ADAMTS2: variants seen among roughly 807,000 people sequenced by gnomAD.
ADAMTS2 encodes ADAM metallopeptidase with thrombospondin type 1 motif 2, also known as A disintegrin and metalloproteinase with thrombospondin motifs 2.
A neutral mutation model predicts 123.0 loss-of-function variants in ADAMTS2; 50 were observed. That is an observed-to-expected ratio of 0.41 (90% CI 0.32 to 0.51). The LOEUF (loss-of-function observed/expected upper bound fraction) is 0.51. Among genes scored for constraint, ADAMTS2 ranks in the 20% least tolerant of loss-of-function variants. ADAMTS2 has a pLI of 0.35. For missense variants in ADAMTS2, 1,494 were observed against 1,705.2 expected, an observed-to-expected ratio of 0.88 and a Z score of 2.18; for synonymous variants, 678 against 695.4, an observed-to-expected ratio of 0.98 and a Z score of 0.39.
chr5:179,333,144 C>A (rs1184954837), intron 2 of ADAMTS2, among the ~76,000 whole-genome samples: 1 of 152,222 alleles, frequency 6.6e-6, no homozygotes, highest in African/African-American at 2.4e-5. Context: ...TTCCCGCATC[C>A]CAAGCCGGGC....
At chr5:179,271,915 G>A (rs986034928) in intron 3 of ADAMTS2, among the ~76,000 whole-genome samples, 2 of 152,212 alleles carry the variant, frequency 1.3e-5, no homozygotes, top group Admixed American at 6.5e-5. Flanking sequence ...ACGGGGGCTG[G>A]CCCAGCCCAG....
In ADAMTS2 at chr5:179,344,110, G is replaced by C; in HGVS notation, c.191C>G (p.Thr64Ser). The C allele has an allele frequency of 6.2e-7, 1 of 1,608,542 alleles. No individual in the cohort carries two copies. Among genetic ancestry groups the C allele is most frequent in the Non-Finnish European group, 8.5e-7 (1 of 1,177,660 alleles). The change falls in exon 2 of 22, where the codon ACT (threonine) becomes AGT (serine). Residue 64 changes from threonine (T) to serine (S), a missense_variant. Around this residue, in one of 6 missense-constraint regions of ADAMTS2, gnomAD observed 237 missense variants for 233.7 expected, o/e 1.01. Transcript: ENST00000251582. ...AERILAVPVR[T>S]DAQGRLVSHV... The stretch of plus-strand genomic sequence containing the variant: ...GGACACCAAGCGGCCCTGGGCGTCA[G>C]TGCGCACGGGCACCGCCAGGATGCG...
intron 10 of ADAMTS2, among the ~76,000 whole-genome samples, chr5:179,150,129 C>CCTGCCCCTGG (rs1277011776): frequency 1.3e-5 from 2 of 149,154 alleles, no homozygotes; most frequent in African/African-American, 2.6e-5. Flanking sequence ...CCAGCTCCTG[C>CCTGCCCCTGG]TCCTGCTCCT....
At chr5:179,252,274 T>C (rs1316314159) in intron 3 of ADAMTS2, among the ~76,000 whole-genome samples, 1 of 152,178 alleles carries the variant, frequency 6.6e-6, no homozygotes, top group Admixed American at 6.5e-5. Context: ...ACTCCCAAAA[T>C]GCTGGGATTA....
intron 13 of ADAMTS2, among the ~76,000 whole-genome samples, chr5:179,135,130 T>TCCCAGCTCCCGGCTCCAGCC (rs1561772105): frequency 2.5e-4 from 4 of 15,734 alleles, no homozygotes; most frequent in African/African-American, 5.8e-4. Flanking sequence ...CGGCTCCAGC[T>TCCCAGCTCCCGGCTCCAGCC]CCCAGCTCCC....
intron 4 of ADAMTS2, among the ~76,000 whole-genome samples, chr5:179,195,493 C>CA (rs1051943425): frequency 9.9e-5 from 15 of 152,144 alleles, no homozygotes; most frequent in African/African-American, 2.4e-4. Context: ...TTAGATTTCC[C>CA]AAAAAAAGTA....
At chr5:179,250,143 C>T (rs1765885023) in intron 3 of ADAMTS2, among the ~76,000 whole-genome samples, 1 of 152,152 alleles carries the variant, frequency 6.6e-6, no homozygotes. Context: ...ACCCAACACC[C>T]TTTGTGATCA....
intron 2 of ADAMTS2, among the ~76,000 whole-genome samples, chr5:179,324,849 G>T (rs189246493): frequency 2.0e-5 from 3 of 152,220 alleles, no homozygotes; most frequent in Non-Finnish European, 4.4e-5. Context: ...AGGAAGGTTT[G>T]CTGGAAGAGG....
At chr5:179,161,942 TA>T (rs2113272154) in intron 5 of ADAMTS2, among the ~76,000 whole-genome samples, 1 of 152,312 alleles carries the variant, frequency 6.6e-6, no homozygotes, top group East Asian at 1.9e-4. Context: ...AGGTCACTAA[TA>T]AGCGCTTTTG....
rs530216003 is a variant in ADAMTS2, at chr5:179,256,859, C to T, written c.688+16052G>A. On this transcript the variant is annotated intron_variant, in intron 3 of 21. Coordinates refer to ENST00000251582, the MANE Select transcript of ADAMTS2 (RefSeq NM_014244.5). The surrounding 1 kb of genome is among the most constrained non-coding windows in gnomAD (Gnocchi z 4.1). ...GTTGTACGAGTCAAATAAAACATTG[C>T]GGGGTGGGGCGGCGAGGCCGCCCAA... Among the ~76,000 whole-genome samples, 5 of 152,342 alleles carry T rather than the reference C, an allele frequency of 3.3e-5. No homozygotes were observed. Among genetic ancestry groups the T allele is most frequent in the African/African-American group, 7.2e-5 (3 of 41,590 alleles).
At chr5:179,217,285 C>A (rs1024025995) in intron 3 of ADAMTS2, among the ~76,000 whole-genome samples, 1 of 152,122 alleles carries the variant, frequency 6.6e-6, no homozygotes, top group Non-Finnish European at 1.5e-5. Flanking sequence ...CAATTCAGAG[C>A]GACTTACATA....
chr5:179,124,416 C>T (rs1009192227), intron 19 of ADAMTS2, among the ~76,000 whole-genome samples: 1 of 152,162 alleles, frequency 6.6e-6, no homozygotes, highest in African/African-American at 2.4e-5. Flanking sequence ...TCCCCTCCTG[C>T]GAGTTTGTCC....
chr5:179,344,586 G>T (rs1292566363), intron 1 of ADAMTS2, among the ~76,000 whole-genome samples: 1 of 152,210 alleles, frequency 6.6e-6, no homozygotes, highest in Non-Finnish European at 1.5e-5. Context: ...ACGACCCCTC[G>T]GCGGGCCCCT....
intron 3 of ADAMTS2, among the ~76,000 whole-genome samples, chr5:179,208,742 C>T (rs991861118): frequency 6.6e-6 from 1 of 152,146 alleles, no homozygotes; most frequent in African/African-American, 2.4e-5. Flanking sequence ...CCCCCAAGCC[C>T]CAGTGTCCTG....
rs1762694397 is a variant in ADAMTS2, at chr5:179,118,077, A to G, written c.3178+3584T>C. On this transcript the variant is annotated intron_variant, in intron 21 of 21. Coordinates refer to ENST00000251582, the MANE Select transcript of ADAMTS2 (RefSeq NM_014244.5). The surrounding 1 kb of genome is among the most constrained non-coding windows in gnomAD (Gnocchi z 4.5). ...GGTCCCCCTTCCACCTGGTCTACAT[A>G]CTGGACTTCTATGTCTGATTTTCTC... Among the ~76,000 whole-genome samples, 1 of 152,120 alleles carries G rather than the reference A, an allele frequency of 6.6e-6. No homozygotes were observed. The highest frequency in any genetic ancestry group is 2.1e-4 in the South Asian group (1 of 4,824).
Position 179,207,475 on chromosome 5 carries a change from T to TGCCCCCCCC in ADAMTS2, c.891+37_891+38insGGGGGGGGC. ...GGCCTGCCCAGCCCCTGGTTGACCCTCCCCGCCCCACCCTGCCCCCTCAGC... is the reference window on the plus strand; with the variant it reads ...GGCCTGCCCAGCCCCTGGTTGACCCTGCCCCCCCCCCCCGCCCCACCCTGCCCCCTCAGC... On this transcript the variant is annotated intron_variant, in intron 4 of 21. Transcript: ENST00000251582. 6.5e-4 allele frequency: 381 copies of TGCCCCCCCC among 588,492 alleles called. 6 individuals carry two copies. Among genetic ancestry groups the TGCCCCCCCC allele is most frequent in the East Asian group, 1.1e-3 (28 of 26,512 alleles). The allele number at this position is 588,492 out of a possible 1,614,324, so 36.5% of individuals were successfully genotyped here.
intron 3 of ADAMTS2, among the ~76,000 whole-genome samples, chr5:179,210,123 G>T (rs337806): frequency 0.77 from 117,373 of 152,190 alleles, 45,540 homozygotes; most frequent in South Asian, 0.88. Context: ...GGGGTAGCCC[G>T]GGTCTGTGAA....
Position 179,185,374 on chromosome 5 carries a change from G to A in ADAMTS2, c.892-4219C>T, listed in dbSNP as rs1764145391. On this transcript the variant is annotated intron_variant, in intron 4 of 21. Coordinates refer to ENST00000251582, the MANE Select transcript of ADAMTS2 (RefSeq NM_014244.5). This position sits in a 1 kb window ranked among gnomAD's most constrained non-coding sequence, Gnocchi z 5.9. ...AGGGGTCATCTGCCCCGCCTGAGCA[G>A]GGAGAGGCTGGGGCTCTGGAAGGGC... Among the ~76,000 whole-genome samples, 1 of 152,172 alleles carries A rather than the reference G, an allele frequency of 6.6e-6. No homozygotes were observed. Among genetic ancestry groups the A allele is most frequent in the Non-Finnish European group, 1.5e-5 (1 of 68,010 alleles).
intron 4 of ADAMTS2, among the ~76,000 whole-genome samples, chr5:179,191,613 G>A (rs1022270303): frequency 6.6e-6 from 1 of 151,538 alleles, no homozygotes; most frequent in African/African-American, 2.4e-5. Flanking sequence ...CGGTGTGGGG[G>A]AGGGGGCAGC....
Sources: gnomAD v4.1 joint callset for allele counts (sites outside exome capture counted in the v4.1 genomes callset) on GRCh38, gnomAD v4.1.1 for gene constraint, gnomAD v4.1.1 regional missense constraint, Gnocchi (gnomAD v3.1) non-coding constraint, MANE v1.5 for transcripts, NCBI Gene and HGNC (gene_info 2026-07-23, HGNC 2026-07-21) for gene names.